The following SORCS1 variants were observed in gnomAD, a reference collection of about 807,000 sequenced individuals.
SORCS1 encodes the protein VPS10 domain-containing receptor SorCS1.
SORCS1 carries 60 observed loss-of-function variants against 146.1 expected under a neutral mutation model. The observed-to-expected ratio is 0.41, with a 90% confidence interval of 0.33 to 0.51. SORCS1 has a LOEUF of 0.51. Among genes scored for constraint, SORCS1 ranks in the 20% least tolerant of loss-of-function variants. The pLI is 0.21. For synonymous variants in SORCS1, 637 were observed against 584.0 expected (o/e 1.09, Z -1.31); for missense variants, 1,352 against 1,487.6 (o/e 0.91, Z 1.50).
chr10:106,751,521 T>G (rs749877283), intron 5 of SORCS1, among the ~76,000 whole-genome samples: 1 of 152,170 alleles, frequency 6.6e-6, no homozygotes, highest in Non-Finnish European at 1.5e-5. Flanking sequence ...GGATGAGTCT[T>G]TCTGTTTTTG....
At chr10:107,102,042 T>C (rs1004673798) in intron 1 of SORCS1, among the ~76,000 whole-genome samples, 1 of 152,168 alleles carries the variant, frequency 6.6e-6, no homozygotes. Context: ...GGATCAAACA[T>C]AAGGGAGCTT....
At chr10:107,035,854 C>A (rs1286574738) in intron 1 of SORCS1, among the ~76,000 whole-genome samples, 1 of 151,284 alleles carries the variant, frequency 6.6e-6, no homozygotes, top group Non-Finnish European at 1.5e-5. Flanking sequence ...ATGAAATCAA[C>A]CTTATAAGTA....
chr10:106,630,363 C>A (rs1848371518), intron 18 of SORCS1, among the ~76,000 whole-genome samples: 1 of 152,194 alleles, frequency 6.6e-6, no homozygotes, highest in Admixed American at 6.5e-5. Context: ...AGTAGGCAAT[C>A]TTCTCCCACT....
intron 5 of SORCS1, among the ~76,000 whole-genome samples, chr10:106,754,813 T>G (rs1858515863): frequency 6.6e-6 from 1 of 152,182 alleles, no homozygotes. Flanking sequence ...TAACAAAGGT[T>G]CATTGCTGAG....
intron 24 of SORCS1, among the ~76,000 whole-genome samples, chr10:106,585,326 G>A (rs113885042): frequency 5.3e-5 from 8 of 152,116 alleles, no homozygotes; most frequent in South Asian, 2.1e-4. Context: ...TGAGAATACC[G>A]CATAGCAGGC....
intron 23 of SORCS1, chr10:106,600,214 T>C (rs1017306061): frequency 3.8e-6 from 2 of 530,246 alleles, no homozygotes; most frequent in African/African-American, 4.2e-5. Context: ...GAGAGACCCT[T>C]GTGAAAATAA....
chr10:106,771,840 T>G (rs1241473737), intron 4 of SORCS1, among the ~76,000 whole-genome samples: 1 of 152,184 alleles, frequency 6.6e-6, no homozygotes, highest in Non-Finnish European at 1.5e-5. Flanking sequence ...AGCTCCTATG[T>G]CTTTACTCGA....
intron 2 of SORCS1, among the ~76,000 whole-genome samples, chr10:106,858,939 C>T (rs1949900144): frequency 6.6e-6 from 1 of 152,114 alleles, no homozygotes; most frequent in African/African-American, 2.4e-5. Flanking sequence ...CATTCTAGTT[C>T]TTACTGCCAT....
intron 1 of SORCS1, among the ~76,000 whole-genome samples, chr10:107,064,334 T>A (rs1961534927): frequency 6.6e-6 from 1 of 152,176 alleles, no homozygotes; most frequent in Non-Finnish European, 1.5e-5. Context: ...TTAATGCATT[T>A]GGCTTGATTA....
intron 2 of SORCS1, among the ~76,000 whole-genome samples, chr10:106,875,087 C>T (rs112176358): frequency 2.6e-5 from 4 of 152,060 alleles, no homozygotes; most frequent in African/African-American, 7.2e-5. Context: ...GTACCCAATA[C>T]GTAGTTTTTT....
At chr10:107,041,123 T>C (rs1959136347) in intron 1 of SORCS1, among the ~76,000 whole-genome samples, 1 of 152,152 alleles carries the variant, frequency 6.6e-6, no homozygotes, top group African/African-American at 2.4e-5. Flanking sequence ...GTATTATTGC[T>C]AAGCAGGAAG....
chr10:106,782,681 G>T (rs1184328726), intron 3 of SORCS1, among the ~76,000 whole-genome samples: 1 of 152,214 alleles, frequency 6.6e-6, no homozygotes. Context: ...TGGGACTACT[G>T]AACATAGTCT....
At chr10:106,880,748 T>C (rs547471336) in intron 2 of SORCS1, among the ~76,000 whole-genome samples, 2 of 152,200 alleles carry the variant, frequency 1.3e-5, no homozygotes, top group Admixed American at 1.3e-4. Flanking sequence ...TATAACTCTT[T>C]GTGCAAACTC....
At chr10:106,608,389 C>A (rs890331439) in intron 22 of SORCS1, among the ~76,000 whole-genome samples, 4 of 152,116 alleles carry the variant, frequency 2.6e-5, no homozygotes, top group African/African-American at 9.7e-5. Flanking sequence ...CATCTTAAAG[C>A]TTATTTATTT....
intron 9 of SORCS1, among the ~76,000 whole-genome samples, chr10:106,696,721 C>T (rs576254466): frequency 2.6e-5 from 4 of 152,250 alleles, no homozygotes; most frequent in Admixed American, 1.3e-4. Context: ...TACCTGTTAC[C>T]GATGTTTGAA....
intron 13 of SORCS1, 89 bp downstream of exon 13, chr10:106,677,224 C>T (rs1316709234): frequency 1.6e-6 from 2 of 1,231,128 alleles, no homozygotes; most frequent in Non-Finnish European, 2.4e-6. Flanking sequence ...ACTACAGAAA[C>T]AGACACGGTT....
chr10:106,990,011 G>C (rs1290412614), intron 1 of SORCS1, among the ~76,000 whole-genome samples: 1 of 152,010 alleles, frequency 6.6e-6, no homozygotes, highest in African/African-American at 2.4e-5. Flanking sequence ...AATTCAGCCT[G>C]ATTCATGTTG....
At chr10:106,791,986 G>A (rs1288722769) in intron 3 of SORCS1, among the ~76,000 whole-genome samples, 1 of 151,960 alleles carries the variant, frequency 6.6e-6, no homozygotes, top group Non-Finnish European at 1.5e-5. Flanking sequence ...TACACAGACT[G>A]GTCATATTTT....
chr10:106,823,559 C>A (rs1948156612), intron 3 of SORCS1, among the ~76,000 whole-genome samples: 1 of 152,170 alleles, frequency 6.6e-6, no homozygotes, highest in Non-Finnish European at 1.5e-5. Flanking sequence ...CTACTGTATA[C>A]CAAAATCCTA....
Sources: allele counts gnomAD v4.1 joint callset (sites outside exome capture counted in the v4.1 genomes callset), GRCh38; gene constraint gnomAD v4.1.1; transcripts MANE v1.5; gene names NCBI Gene and HGNC (gene_info 2026-07-23, HGNC 2026-07-21).